The following LHFPL3 variants were observed in gnomAD, a reference collection of about 807,000 sequenced individuals.
The protein encoded by LHFPL3 is LHFPL tetraspan subfamily member 3 protein.
A neutral mutation model predicts 19.3 loss-of-function variants in LHFPL3; 5 were observed. The observed-to-expected ratio is 0.26, with a 90% CI of 0.14 to 0.54. The LOEUF (loss-of-function observed/expected upper bound fraction) is 0.54, where lower values mean the gene tolerates loss of function less well. Ranked by LOEUF, LHFPL3 falls within the 20% of genes least tolerant of loss-of-function variation. The pLI, the probability that LHFPL3 is intolerant of heterozygous loss-of-function variation, is 0.94. For missense variants in LHFPL3, 249 were observed against 307.4 expected (o/e 0.81, Z 1.42); for synonymous variants, 133 against 126.2 (o/e 1.05, Z -0.36).
At chr7:104,496,016 C>T (rs550672528) in intron 1 of LHFPL3, among the ~76,000 whole-genome samples, 10 of 152,092 alleles carry the variant, frequency 6.6e-5, no homozygotes, top group African/African-American at 9.6e-5. Context: ...ATGTGCACAA[C>T]GTGCAGGTTT....
intron 2 of LHFPL3, among the ~76,000 whole-genome samples, chr7:104,879,329 T>C (rs34083033): frequency 0.068 from 10,340 of 152,092 alleles, 854 homozygotes; most frequent in East Asian, 0.44. Flanking sequence ...GGTGGGAGGA[T>C]TGCTTGAGCC....
intron 2 of LHFPL3, among the ~76,000 whole-genome samples, chr7:104,740,266 T>C (rs1442240738): frequency 6.6e-6 from 1 of 152,164 alleles, no homozygotes; most frequent in African/African-American, 2.4e-5. Context: ...CATAGCAGCA[T>C]GAAAATGAAC....
chr7:104,890,297 T>C lies in LHFPL3; in HGVS notation c.683-15890T>C, dbSNP rs573074300. ...ACCTGGTCAACAAAGTGAAATCCTG[T>C]CTCTAAAAAAACAAGTGGTTGGGAG... On this transcript the variant is annotated intron_variant, in intron 2 of 2. Coordinates refer to ENST00000424859, the MANE Select transcript of LHFPL3 (RefSeq NM_199000.3). Among the ~76,000 whole-genome samples the C allele has an allele frequency of 2.0e-5, 3 of 147,724 alleles. No homozygotes were observed. The South Asian group carries it at 6.3e-4, about 31-fold the overall frequency.
intron 1 of LHFPL3, among the ~76,000 whole-genome samples, chr7:104,335,450 G>A (rs1789780894): frequency 6.6e-6 from 1 of 152,154 alleles, no homozygotes; most frequent in Admixed American, 6.5e-5. Flanking sequence ...TCCCTTATAT[G>A]TAATGTGACA....
intron 1 of LHFPL3, among the ~76,000 whole-genome samples, chr7:104,376,629 C>T (rs1198928291): frequency 1.3e-5 from 2 of 152,114 alleles, no homozygotes; most frequent in African/African-American, 2.4e-5. Context: ...GGAATTTTCA[C>T]TCTATGAAAG....
intron 1 of LHFPL3, among the ~76,000 whole-genome samples, chr7:104,648,122 C>A (rs184508254): frequency 1.1e-4 from 17 of 152,248 alleles, no homozygotes; most frequent in Admixed American, 2.6e-4. Context: ...CGGGCCATTT[C>A]CATCTATAGA....
chr7:104,637,139 T>G (rs1255529087), intron 1 of LHFPL3, among the ~76,000 whole-genome samples: 2 of 152,214 alleles, frequency 1.3e-5, no homozygotes, highest in East Asian at 3.8e-4. Flanking sequence ...ATTAGTGATA[T>G]TTAGCATCTT....
chr7:104,677,079 C>G (rs953774406), intron 1 of LHFPL3, among the ~76,000 whole-genome samples: 26 of 152,252 alleles, frequency 1.7e-4, no homozygotes, highest in African/African-American at 6.3e-4. Context: ...TAAGTAATAA[C>G]AGAAAAATAA....
At chr7:104,718,301 A>C (rs1401257193) in intron 1 of LHFPL3, among the ~76,000 whole-genome samples, 1 of 152,218 alleles carries the variant, frequency 6.6e-6, no homozygotes, top group African/African-American at 2.4e-5. Flanking sequence ...GTCCTTACCC[A>C]CAATGAAATA....
intron 1 of LHFPL3, among the ~76,000 whole-genome samples, chr7:104,602,134 C>T (rs532552605): frequency 2.1e-5 from 3 of 142,308 alleles, no homozygotes; most frequent in South Asian, 4.6e-4. Context: ...AATTCTCCTG[C>T]CTCAGCCTCC....
At chr7:104,893,068 C>T (rs1238087260) in intron 2 of LHFPL3, among the ~76,000 whole-genome samples, 2 of 151,862 alleles carry the variant, frequency 1.3e-5, no homozygotes, top group Non-Finnish European at 2.9e-5. Context: ...TTTAATTAGC[C>T]AGGCATTTGA....
At chr7:104,856,440 G>A (rs1791508821) in intron 2 of LHFPL3, among the ~76,000 whole-genome samples, 1 of 151,932 alleles carries the variant, frequency 6.6e-6, no homozygotes. Context: ...AGTAGAAACA[G>A]CGTTTCACCA....
chr7:104,859,266 C>CAAAAAAA (rs565168699), intron 2 of LHFPL3, among the ~76,000 whole-genome samples: 1 of 131,510 alleles, frequency 7.6e-6, no homozygotes, highest in Non-Finnish European at 1.6e-5. Context: ...GACACTGTCT[C>CAAAAAAA]AAAAAAAAAA....
At chr7:104,612,492 C>T (rs1791230481) in intron 1 of LHFPL3, among the ~76,000 whole-genome samples, 2 of 152,116 alleles carry the variant, frequency 1.3e-5, no homozygotes, top group Admixed American at 6.5e-5. Context: ...TTAGGAACAC[C>T]AAAAGTTTGG....
rs114083952 is a variant in LHFPL3, at chr7:104,536,330, C to A, written c.446-200345C>A. 2.8e-3 allele frequency among the ~76,000 whole-genome samples: 429 copies of A among 152,210 alleles called. 2 individuals are homozygous for A. The highest frequency in any genetic ancestry group is 1.0e-2 in the African/African-American group (414 of 41,526). ...GCTATGAAAAAATGATCATGGAAAGCAAATGGATGTGAGAGGATGGTGATA... is the reference window on the plus strand; with the variant it reads ...GCTATGAAAAAATGATCATGGAAAGAAAATGGATGTGAGAGGATGGTGATA... On this transcript the variant is annotated intron_variant, in intron 1 of 2. Transcript: ENST00000424859.
chr7:104,782,627 T>C (rs1296362552), intron 2 of LHFPL3, among the ~76,000 whole-genome samples: 4 of 152,218 alleles, frequency 2.6e-5, no homozygotes, highest in Non-Finnish European at 5.9e-5. Flanking sequence ...CAGAACAACC[T>C]TTCTGTAATG....
chr7:104,721,245 G>A (rs1793484585), intron 1 of LHFPL3, among the ~76,000 whole-genome samples: 1 of 152,152 alleles, frequency 6.6e-6, no homozygotes, highest in Admixed American at 6.5e-5. Context: ...GCAGGGACAT[G>A]GATGAAGCTG....
At chr7:104,894,889 A>G (rs1196684527) in intron 2 of LHFPL3, 9 of 152,184 alleles carry the variant, frequency 5.9e-5, no homozygotes, top group Admixed American at 5.9e-4. Flanking sequence ...CCAGGATCCA[A>G]ACTTTTATCT....
At chr7:104,356,514 A>G (rs1221212289) in intron 1 of LHFPL3, among the ~76,000 whole-genome samples, 2 of 152,140 alleles carry the variant, frequency 1.3e-5, no homozygotes, top group African/African-American at 4.8e-5. Flanking sequence ...GGGTGCAAGT[A>G]TTTTTCCTTT....
Sources: gnomAD v4.1 joint callset for allele counts (sites outside exome capture counted in the v4.1 genomes callset) on GRCh38, gnomAD v4.1.1 for gene constraint, MANE v1.5 for transcripts, NCBI Gene and HGNC (gene_info 2026-07-23, HGNC 2026-07-21) for gene names.